Variants in ESRRB observed in about 807,000 individuals in gnomAD.
The protein encoded by ESRRB is estrogen related receptor beta, also known as steroid hormone receptor ERR2.
ESRRB carries 16 observed loss-of-function variants against 46.0 expected under a neutral mutation model. That is an observed-to-expected ratio of 0.35 (90% CI 0.24 to 0.53). The LOEUF is 0.53. Among genes scored for constraint, ESRRB ranks in the 20% least tolerant of loss-of-function variants. The pLI is 0.93. For missense variants in ESRRB, 488 were observed against 607.4 expected (o/e 0.80, Z 2.07); for synonymous variants, 246 against 259.6 (o/e 0.95, Z 0.50).
At chr14:76,428,455 G>T in intron 1 of ESRRB, among the ~76,000 whole-genome samples, 1 of 152,130 alleles carries the variant, frequency 6.6e-6, no homozygotes, top group East Asian at 1.9e-4. Context: ...CTGAATTTTC[G>T]ATGTCCTTCC....
intron 1 of ESRRB, among the ~76,000 whole-genome samples, chr14:76,392,066 G>T (rs945683972): frequency 2.6e-5 from 4 of 152,244 alleles, no homozygotes; most frequent in Non-Finnish European, 1.5e-5. Flanking sequence ...CTCTTCGAAG[G>T]CTTTCTGTTC....
At chr14:76,338,938 G>A (rs947961532) in intron 1 of ESRRB, among the ~76,000 whole-genome samples, 5 of 152,130 alleles carry the variant, frequency 3.3e-5, no homozygotes, top group Admixed American at 1.3e-4. Flanking sequence ...GCTAGATTCC[G>A]TCCCCTTAAC....
intron 1 of ESRRB, among the ~76,000 whole-genome samples, chr14:76,417,185 T>A (rs1255228832): frequency 4.6e-5 from 7 of 150,820 alleles, no homozygotes; most frequent in Admixed American, 4.0e-4. Flanking sequence ...TCGATAGGGG[T>A]CAGGGTGTCT....
At chr14:76,409,665 C>T (rs79110620) in intron 1 of ESRRB, among the ~76,000 whole-genome samples, 1,699 of 152,066 alleles carry the variant, frequency 0.011, 23 homozygotes, top group Non-Finnish European at 0.018. Flanking sequence ...TATCTAATTC[C>T]CTGCATCTAG....
At chr14:76,461,806 C>T (rs941242250) in intron 2 of ESRRB, among the ~76,000 whole-genome samples, 8 of 152,196 alleles carry the variant, frequency 5.3e-5, no homozygotes, top group African/African-American at 1.2e-4. Flanking sequence ...CCACTGTACC[C>T]GGCCTGGTAG....
At chr14:76,462,818 G>A (rs981304792) in intron 3 of ESRRB, among the ~76,000 whole-genome samples, 157 bp downstream of exon 3, 1 of 152,128 alleles carries the variant, frequency 6.6e-6, no homozygotes, top group African/African-American at 2.4e-5. Context: ...CTGCCACGGC[G>A]CCCGCATGGC....
At chr14:76,497,781 C>A (rs1428664408) in intron 6 of ESRRB, among the ~76,000 whole-genome samples, 2 of 152,132 alleles carry the variant, frequency 1.3e-5, no homozygotes, top group Admixed American at 1.3e-4. Flanking sequence ...TACCAGGGCA[C>A]TGACTTGTGA....
intron 1 of ESRRB, among the ~76,000 whole-genome samples, chr14:76,337,226 A>G (rs920048384): frequency 1.3e-5 from 2 of 152,202 alleles, no homozygotes; most frequent in Non-Finnish European, 2.9e-5. Context: ...GACAGAAGTC[A>G]CTTGCAGTGG....
chr14:76,315,879 G>C (rs1883793979), intron 1 of ESRRB, among the ~76,000 whole-genome samples: 1 of 152,158 alleles, frequency 6.6e-6, no homozygotes, highest in African/African-American at 2.4e-5. Flanking sequence ...CCTGGGCTTT[G>C]GGCATCACTC....
intron 1 of ESRRB, among the ~76,000 whole-genome samples, chr14:76,398,447 C>A (rs1885792424): frequency 6.6e-6 from 1 of 152,178 alleles, no homozygotes; most frequent in Non-Finnish European, 1.5e-5. Context: ...TTGCTTCCCC[C>A]ATCAGAGTTC....
intron 1 of ESRRB, among the ~76,000 whole-genome samples, chr14:76,332,871 ATTTT>A (rs1171401812): frequency 0.026 from 312 of 12,028 alleles, 13 homozygotes; most frequent in Middle Eastern, 0.12. Flanking sequence ...TATATAATAT[ATTTT>A]TTTATATATT....
intron 1 of ESRRB, among the ~76,000 whole-genome samples, chr14:76,382,327 G>A (rs1285861285): frequency 2.0e-5 from 3 of 152,222 alleles, no homozygotes; most frequent in Admixed American, 6.5e-5. Context: ...GGATTGGTTC[G>A]TCCATGGTGC....
intron 2 of ESRRB, among the ~76,000 whole-genome samples, chr14:76,446,923 C>T (rs1344644707): frequency 6.6e-6 from 1 of 152,140 alleles, no homozygotes; most frequent in Admixed American, 6.5e-5. Context: ...CTGACTCCAC[C>T]GTAATGAAAA....
chr14:76,494,749 G>A (rs371853875), intron 6 of ESRRB, among the ~76,000 whole-genome samples: 6 of 152,338 alleles, frequency 3.9e-5, no homozygotes, highest in African/African-American at 1.4e-4. Context: ...AGAGGGCTTC[G>A]AGGTTCTGTC....
At chr14:76,409,482 T>C (rs1461336688) in intron 1 of ESRRB, among the ~76,000 whole-genome samples, 1 of 151,952 alleles carries the variant, frequency 6.6e-6, no homozygotes, top group Non-Finnish European at 1.5e-5. Context: ...CTCCTTAATA[T>C]AGTATGTACA....
chr14:76,336,296 C>A (rs1039857377), intron 1 of ESRRB, among the ~76,000 whole-genome samples: 5 of 79,264 alleles, frequency 6.3e-5, no homozygotes, highest in Non-Finnish European at 8.6e-5. Context: ...GGAACCAAGG[C>A]TCAGCGATGA....
In ESRRB at chr14:76,491,646, C is replaced by G. The variant is rs1414895015; in HGVS notation, c.1050C>G (p.Arg350=). The part of the protein sequence containing the change: ...ELYRAILQLV[R]RYKKLKVEKE... ...ACCGGGCCATCCTGCAGCTGGTACG[C>G]AGGTACAAGAAGCTCAAGGTGGAGA... The change falls in exon 6 of 7, where the codon CGC becomes CGG. Residue 350 remains arginine (R), a synonymous_variant. Coordinates refer to ENST00000644823, the MANE Select transcript of ESRRB (RefSeq NM_001379180.1). 1 of 1,585,322 alleles carries G rather than the reference C, an allele frequency of 6.3e-7. No individual in the cohort carries two copies. Among genetic ancestry groups the G allele is most frequent in the Non-Finnish European group, 8.6e-7 (1 of 1,167,318 alleles).
At chr14:76,402,936 A>G (rs1886004477) in intron 1 of ESRRB, among the ~76,000 whole-genome samples, 2 of 152,142 alleles carry the variant, frequency 1.3e-5, no homozygotes, top group South Asian at 4.2e-4. Context: ...GGCCACAGGC[A>G]TACACCATCA....
intron 1 of ESRRB, among the ~76,000 whole-genome samples, chr14:76,336,295 G>A (rs1384886537): frequency 1.2e-5 from 1 of 84,636 alleles, no homozygotes; most frequent in Non-Finnish European, 2.7e-5. Context: ...AGGAACCAAG[G>A]CTCAGCGATG....
Sources: allele counts gnomAD v4.1 joint callset (sites outside exome capture counted in the v4.1 genomes callset), GRCh38; gene constraint gnomAD v4.1.1; transcripts MANE v1.5; gene names NCBI Gene and HGNC (gene_info 2026-07-23, HGNC 2026-07-21).